VCAN: variants seen among roughly 807,000 people sequenced by gnomAD.
VCAN encodes versican.
A neutral mutation model predicts 245.5 loss-of-function variants in VCAN; 44 were observed. That is an observed-to-expected ratio of 0.18 (90% CI 0.14 to 0.23). VCAN has a LOEUF of 0.23. VCAN is among the 10% of genes least tolerant of loss of function. The probability of loss-of-function intolerance (pLI) is 1.00; values close to 1 mark genes in which losing one functional copy is unlikely to be tolerated. For synonymous variants in VCAN, 1,413 were observed against 1,437.0 expected (o/e 0.98, Z 0.38); for missense variants, 3,793 against 4,057.9 (o/e 0.93, Z 1.77).
In VCAN at chr5:83,538,244, G is replaced by C; in HGVS notation, c.5241G>C (p.Ser1747=). The C allele has an allele frequency of 1.2e-6, 2 of 1,613,890 alleles. No individual in the cohort carries two copies. The highest frequency in any genetic ancestry group is 1.7e-6 in the Non-Finnish European group (2 of 1,179,954). ...TFEVYSSTQR[S]DQLILPFELE... ...AGGTATATTCATCTACACAGAGATC[G>C]GATCAATTAATTTTACCCTTTGAAT... is the stretch of plus-strand genomic sequence containing the variant. The change falls in exon 8 of 15, where the codon TCG becomes TCC. Residue 1747 remains serine (S), a synonymous_variant. Transcript: ENST00000265077.
At position 83,538,807 on chromosome 5, in the gene VCAN, G is replaced by A. The variant is rs763788046; in HGVS notation, c.5804G>A (p.Ser1935Asn). 1.2e-6 allele frequency: 2 copies of A among 1,613,966 alleles called. No homozygotes were observed. Among genetic ancestry groups the A allele is most frequent in the South Asian group, 2.2e-5 (2 of 91,076 alleles). Residue 1935 changes from serine (S) to asparagine (N), a missense_variant, in exon 8 of 15, where the codon AGT becomes AAT. Ser to Asn is a conservative substitution (Grantham distance 46). Around this residue, in one of 5 missense-constraint regions of VCAN, gnomAD observed 3,182 missense variants for 3,250.3 expected, o/e 0.98. Transcript: ENST00000265077. ...GGTTTTCCTTTGGAGGAAGATTTCAGTGGTGACTTTAGAGAATACTCAACA... is the reference window on the plus strand; with the variant it reads ...GGTTTTCCTTTGGAGGAAGATTTCAATGGTGACTTTAGAGAATACTCAACA... ...STGFPLEEDF[S>N]GDFREYSTVS...
chr5:83,549,705 C>T (rs1747386671), intron 10 of VCAN, among the ~76,000 whole-genome samples: 1 of 152,160 alleles, frequency 6.6e-6, no homozygotes. Context: ...TCTGGTGCCA[C>T]CTGACTTTCA....
chr5:83,527,106 C>T (rs961282639), intron 7 of VCAN, among the ~76,000 whole-genome samples: 17 of 152,258 alleles, frequency 1.1e-4, no homozygotes, highest in Middle Eastern at 3.4e-3. Flanking sequence ...TCTGTCAATT[C>T]CTGAAAGAGC....
At chr5:83,483,092 T>G (rs1002441878) in intron 1 of VCAN, among the ~76,000 whole-genome samples, 14 of 152,242 alleles carry the variant, frequency 9.2e-5, no homozygotes, top group African/African-American at 3.4e-4. Flanking sequence ...CATCTTCTCT[T>G]GCTCTATTTA....
chr5:83,501,648 A>T (rs1745332712), intron 5 of VCAN, among the ~76,000 whole-genome samples: 3 of 152,156 alleles, frequency 2.0e-5, no homozygotes, highest in Admixed American at 2.0e-4. Flanking sequence ...ATTGATCTGT[A>T]TGTCTATCTT....
chr5:83,545,354 A>G (rs1212716299), intron 8 of VCAN, among the ~76,000 whole-genome samples, 183 bp from the exon 9 acceptor site: 3 of 152,218 alleles, frequency 2.0e-5, no homozygotes, highest in Non-Finnish European at 2.9e-5. Context: ...ATTTGTAACA[A>G]TTAGTTATAA....
rs746447735 is a variant in VCAN at position 83,538,475 on chromosome 5, C to G, written c.5472C>G (p.Leu1824=). 1 of 1,614,002 alleles carries G rather than the reference C, an allele frequency of 6.2e-7. No homozygotes were observed. The highest frequency in any genetic ancestry group is 1.7e-4 in the Middle Eastern group (1 of 6,060). Residue 1824 remains leucine, a synonymous_variant, in exon 8 of 15, where the codon CTC becomes CTG. Transcript: ENST00000265077. ...GGGTTCAGGAAGGGCTGACCACTCTCCCACGTAGTCCTGCCTCTGTCTTTA... is the reference window on the plus strand; with the variant it reads ...GGGTTCAGGAAGGGCTGACCACTCTGCCACGTAGTCCTGCCTCTGTCTTTA... The part of the protein sequence containing the change: ...QPGVQEGLTT[L]PRSPASVFME...
chr5:83,542,063 A>G lies in VCAN; in HGVS notation c.9060A>G (p.Arg3020=). The change falls in exon 8 of 15, where the codon AGA becomes AGG. Residue 3020 remains arginine, a synonymous_variant. Coordinates refer to ENST00000265077, the MANE Select transcript of VCAN (RefSeq NM_004385.5). Reference sequence around the variant, plus strand: ...CTGAAACTCAAGCAGCTTTAATCAGAGGGCAGGATTCCACGATAGCAGCAT... The same window carrying G: ...CTGAAACTCAAGCAGCTTTAATCAGGGGGCAGGATTCCACGATAGCAGCAT... The part of the protein sequence containing the change: ...INPETQAALI[R]GQDSTIAASE... The G allele has an allele frequency of 1.2e-6, 2 of 1,612,990 alleles. No homozygotes were observed. The highest frequency in any genetic ancestry group is 1.7e-6 in the Non-Finnish European group (2 of 1,179,102).
At position 83,512,412 on chromosome 5, in the gene VCAN, C is replaced by T; in HGVS notation, c.1042+16C>T. 6.2e-7 allele frequency: 1 copy of T among 1,610,938 alleles called. No individual in the cohort carries two copies. Among genetic ancestry groups the T allele is most frequent in the Non-Finnish European group, 8.5e-7 (1 of 1,178,284 alleles). ...TGCTTTAAACGTAAGTGTTTGATAC[C>T]TTTTTAAAAATTACAGTTTTAAAAA... On this transcript the variant is annotated intron_variant, in intron 6 of 14. Transcript: ENST00000265077.
intron 11 of VCAN, among the ~76,000 whole-genome samples, chr5:83,554,451 A>G (rs1166895601): frequency 6.6e-6 from 1 of 152,194 alleles, no homozygotes; most frequent in Non-Finnish European, 1.5e-5. Flanking sequence ...GTAAAAGTAA[A>G]TATTTTTGAG....
At position 83,541,486 on chromosome 5, in the gene VCAN, C is replaced by T. The variant is rs1746988530; in HGVS notation, c.8483C>T (p.Pro2828Leu). 1.9e-6 allele frequency: 3 copies of T among 1,614,010 alleles called. No homozygotes were observed. Among genetic ancestry groups the T allele is most frequent in the East Asian group, 2.2e-5 (1 of 44,864 alleles). Reference sequence around the variant, plus strand: ...TTGTCTTCTCAGACACCATCATCTCCCCTCACTATCTACTCAGGCAGTGAA... The same window carrying T: ...TTGTCTTCTCAGACACCATCATCTCTCCTCACTATCTACTCAGGCAGTGAA... Reference protein sequence around the residue: ...AKLSSQTPSSPLTIYSGSEAS... With the variant: ...AKLSSQTPSSLLTIYSGSEAS... Residue 2828 changes from proline (P) to leucine (L), a missense_variant, in exon 8 of 15, where the codon CCC becomes CTC. Around this residue, in one of 5 missense-constraint regions of VCAN, gnomAD observed 3,182 missense variants for 3,250.3 expected, o/e 0.98. Transcript: ENST00000265077.
Position 83,519,483 on chromosome 5 carries a change from A to G in VCAN, c.1177A>G (p.Thr393Ala), listed in dbSNP as rs1450280825. 8 of 1,614,056 alleles carry G rather than the reference A, an allele frequency of 5.0e-6. No individual in the cohort carries two copies. Among genetic ancestry groups the G allele is most frequent in the Non-Finnish European group, 6.8e-6 (8 of 1,179,992 alleles). The change falls in exon 7 of 15, where the codon ACA (threonine) becomes GCA (alanine). Residue 393 changes from threonine to alanine, a missense_variant. Coordinates refer to ENST00000265077, the MANE Select transcript of VCAN (RefSeq NM_004385.5). ...PLVDELPVIP[T>A]EFPPVGNIVS... ...AGTTGATGAATTACCTGTCATTCCA[A>G]CAGAGTTCCCTCCCGTGGGAAATAT...
chr5:83,570,825 CT>C (rs5869186), intron 12 of VCAN, among the ~76,000 whole-genome samples: 96,852 of 145,918 alleles, frequency 0.66, 32,099 homozygotes, highest in Admixed American at 0.75. Flanking sequence ...TGGACCTTCC[CT>C]TTTTTTTTTT....
chr5:83,538,449 G>C lies in VCAN; in HGVS notation c.5446G>C (p.Gly1816Arg). 6.2e-7 allele frequency: 1 copy of C among 1,613,974 alleles called. No individual in the cohort carries two copies. The highest frequency in any genetic ancestry group is 8.5e-7 in the Non-Finnish European group (1 of 1,179,946). Residue 1816 changes from glycine to arginine, a missense_variant, in exon 8 of 15, where the codon GGG becomes CGG. This residue lies in a region of VCAN where 3,182 missense variants were observed against 3,250.3 expected (regional missense o/e 0.98). Transcript: ENST00000265077. ...TGAGCACAGCAGTATCCATCAACCT[G>C]GGGTTCAGGAAGGGCTGACCACTCT... ...TTEHSSIHQP[G>R]VQEGLTTLPR...
chr5:83,519,292 G>A, intron 6 of VCAN, 57 bp from the exon 7 acceptor site: 2 of 1,573,166 alleles, frequency 1.3e-6, no homozygotes, highest in Non-Finnish European at 1.7e-6. Flanking sequence ...CAAACACTGG[G>A]CATACAAGTT....
In VCAN at chr5:83,490,484, A is replaced by G; in HGVS notation, c.445+12A>G. 1 of 1,613,596 alleles carries G rather than the reference A, an allele frequency of 6.2e-7. No individual in the cohort carries two copies. The highest frequency in any genetic ancestry group is 8.5e-7 in the Non-Finnish European group (1 of 1,179,956). ...ACTGACTGTGGATGGTAAGGCTTTT[A>G]TTATCTGCAAGAAGGTAGTATAACA... is the stretch of plus-strand genomic sequence containing the variant. On this transcript the variant is annotated intron_variant, in intron 3 of 14. Coordinates refer to ENST00000265077, the MANE Select transcript of VCAN (RefSeq NM_004385.5).
In VCAN at chr5:83,520,271, G is replaced by T. The variant is rs752233120; in HGVS notation, c.1965G>T (p.Leu655Phe). 6.2e-7 allele frequency: 1 copy of T among 1,613,890 alleles called. No individual in the cohort carries two copies. The highest frequency in any genetic ancestry group is 8.5e-7 in the Non-Finnish European group (1 of 1,179,950). ...CACAGCATCGTACAGAAATAGAATT[G>T]TTTCCTTATTCTGGTGATAAAATAT... ...FPSQHRTEIELFPYSGDKILV... is the reference protein window; with the variant it reads ...FPSQHRTEIEFFPYSGDKILV... Residue 655 changes from leucine to phenylalanine, a missense_variant, in exon 7 of 15, where the codon TTG (leucine) becomes TTT (phenylalanine). By Grantham distance (22) the Leu-to-Phe change is conservative (BLOSUM62 0). Transcript: ENST00000265077.
chr5:83,519,937 C>T lies in VCAN; in HGVS notation c.1631C>T (p.Thr544Ile). 1 of 1,614,068 alleles carries T rather than the reference C, an allele frequency of 6.2e-7. No individual in the cohort carries two copies. The highest frequency in any genetic ancestry group is 2.2e-5 in the East Asian group (1 of 44,870). The change falls in exon 7 of 15, where the codon ACC becomes ATC. Residue 544 changes from threonine (T) to isoleucine (I), a missense_variant. This residue lies in a region of VCAN where 3,182 missense variants were observed against 3,250.3 expected (regional missense o/e 0.98). Coordinates refer to ENST00000265077, the MANE Select transcript of VCAN (RefSeq NM_004385.5). ...KMVSTVSELVTTGHYGFTLGE... is the reference protein window; with the variant it reads ...KMVSTVSELVITGHYGFTLGE... ...GTAAGCACTGTTTCTGAATTGGTAA[C>T]CACAGGTCACTATGGATTCACCTTG...
At chr5:83,553,295 A>T (rs1747539842) in intron 10 of VCAN, 69 bp from the exon 11 acceptor site, 3 of 1,601,858 alleles carry the variant, frequency 1.9e-6, no homozygotes, top group Admixed American at 3.3e-5. Context: ...TCCTACTAAC[A>T]CTTGGTTGGG....
Sources: allele counts gnomAD v4.1 joint callset (sites outside exome capture counted in the v4.1 genomes callset), GRCh38; gene constraint gnomAD v4.1.1; regional missense constraint gnomAD v4.1.1; transcripts MANE v1.5; gene names NCBI Gene and HGNC (gene_info 2026-07-23, HGNC 2026-07-21).